COPS5: variants seen among roughly 807,000 people sequenced by gnomAD.
COPS5 encodes COP9 signalosome subunit 5.
In COPS5, 8 loss-of-function variants were observed where a neutral mutation model predicts 44.4. That is an observed-to-expected ratio of 0.18 (90% CI 0.11 to 0.32). The LOEUF (loss-of-function observed/expected upper bound fraction) is 0.32, where lower values mean the gene tolerates loss of function less well. COPS5 is among the 10% of genes least tolerant of loss of function. COPS5 has a pLI of 1.00. For synonymous variants in COPS5, 122 were observed against 142.8 expected, an observed-to-expected ratio of 0.85 and a Z score of 1.04; for missense variants, 159 against 406.4, an observed-to-expected ratio of 0.39 and a Z score of 5.23.
intron 6 of COPS5, among the ~76,000 whole-genome samples, chr8:67,049,630 C>A (rs1391076823): frequency 6.6e-6 from 1 of 152,168 alleles, no homozygotes; most frequent in East Asian, 1.9e-4. Flanking sequence ...CTTGAAAGCT[C>A]AATCCAACAA....
intron 5 of COPS5, among the ~76,000 whole-genome samples, chr8:67,052,550 TG>T (rs1804432368): frequency 6.6e-6 from 1 of 151,088 alleles, no homozygotes. Flanking sequence ...CCCGAGTAGC[TG>T]GGACTACAGG....
chr8:67,059,690 T>G (rs1362900599), intron 1 of COPS5: 1 of 453,106 alleles, frequency 2.2e-6, no homozygotes, highest in Admixed American at 3.5e-5. Flanking sequence ...AATATGCTAT[T>G]CAAATAAGGG....
chr8:67,060,575 T>G (rs1804576610), intron 1 of COPS5: 1 of 1,125,142 alleles, frequency 8.9e-7, no homozygotes. Flanking sequence ...CAAGTTACTG[T>G]GCTCCTATTA....
chr8:67,059,535 G>A, intron 1 of COPS5, 90 bp from the exon 2 acceptor site: 2 of 914,144 alleles, frequency 2.2e-6, no homozygotes, highest in South Asian at 1.5e-5. Context: ...AAGTATTGAA[G>A]GAATTTAGAG....
In COPS5 at chr8:67,062,092, G is replaced by T; in HGVS notation, c.-96C>A. On this transcript the variant is annotated 5_prime_UTR_variant, in exon 1 of 8. Coordinates refer to ENST00000357849, the MANE Select transcript of COPS5 (RefSeq NM_006837.3). Reference sequence around the variant, plus strand: ...TGGGCCTTGACCCTCCGCACCACGGGAACAAACTCTTACCTAGACTCTTGG... The same window carrying T: ...TGGGCCTTGACCCTCCGCACCACGGTAACAAACTCTTACCTAGACTCTTGG... The T allele has an allele frequency of 6.3e-7, 1 of 1,586,522 alleles. No homozygotes were observed. Among genetic ancestry groups the T allele is most frequent in the Non-Finnish European group, 8.6e-7 (1 of 1,169,100 alleles).
At chr8:67,057,349 G>T (rs185271502) in intron 4 of COPS5, 31 bp downstream of exon 4, 10 of 1,459,990 alleles carry the variant, frequency 6.8e-6, no homozygotes, top group Non-Finnish European at 7.6e-6. Flanking sequence ...AACACAGTGA[G>T]ACTCTAACTC....
At chr8:67,051,027 T>A in intron 6 of COPS5, 1 of 526,938 alleles carries the variant, frequency 1.9e-6, no homozygotes, top group Non-Finnish European at 3.4e-6. Context: ...GTTTGCTACT[T>A]AGACTTGGTC....
chr8:67,053,455 C>G (rs1165597932), intron 5 of COPS5, among the ~76,000 whole-genome samples: 1 of 151,476 alleles, frequency 6.6e-6, no homozygotes, highest in Non-Finnish European at 1.5e-5. Flanking sequence ...AATCCCAGCA[C>G]TTTGGGAGGC....
At chr8:67,057,948 A>G in intron 3 of COPS5, 135 bp downstream of exon 3, 4 of 879,052 alleles carry the variant, frequency 4.6e-6, no homozygotes, top group Non-Finnish European at 7.1e-6. Context: ...CTTCTAAGAG[A>G]TGGAATTCAC....
intron 7 of COPS5, 58 bp from the exon 8 acceptor site, chr8:67,043,375 C>G (rs925227191): frequency 9.5e-7 from 1 of 1,053,762 alleles, no homozygotes. Context: ...TTCAAACACA[C>G]AAGATCAGCC....
intron 5 of COPS5, among the ~76,000 whole-genome samples, chr8:67,054,707 C>G (rs765855442): frequency 1.3e-5 from 2 of 152,214 alleles, no homozygotes; most frequent in Non-Finnish European, 2.9e-5. Context: ...AGTAGTAGCA[C>G]ATGGGTAGCC....
At chr8:67,048,206 C>CT (rs1161805035) in intron 6 of COPS5, among the ~76,000 whole-genome samples, 4 of 151,594 alleles carry the variant, frequency 2.6e-5, no homozygotes, top group Non-Finnish European at 5.9e-5. Flanking sequence ...GAGGTCCAGG[C>CT]TATAGTGAGA....
chr8:67,043,546 T>G (rs1042887691), intron 7 of COPS5: 3 of 351,384 alleles, frequency 8.5e-6, no homozygotes, highest in African/African-American at 6.3e-5. Flanking sequence ...ACGTAAAATT[T>G]GATACAATTG....
chr8:67,061,651 C>T (rs559023719), intron 1 of COPS5: 1 of 587,594 alleles, frequency 1.7e-6, no homozygotes, highest in African/African-American at 1.9e-5. Flanking sequence ...TTACATCACC[C>T]GGGGGCAAAT....
Position 67,062,006 on chromosome 8 carries a change from A to G in COPS5, c.-10T>C. ...TCCCGGACGCCGCCATCGCCGAGGA[A>G]GCGGAGAAGTTGTCGTCTCTACAAC... is the stretch of plus-strand genomic sequence containing the variant. On this transcript the variant is annotated 5_prime_UTR_variant, in exon 1 of 8. Coordinates refer to ENST00000357849, the MANE Select transcript of COPS5 (RefSeq NM_006837.3). 6.2e-7 allele frequency: 1 copy of G among 1,614,184 alleles called. No individual in the cohort carries two copies. The highest frequency in any genetic ancestry group is 1.3e-5 in the African/African-American group (1 of 75,064).
chr8:67,046,799 G>A (rs986405879), intron 6 of COPS5, among the ~76,000 whole-genome samples: 4 of 138,134 alleles, frequency 2.9e-5, no homozygotes, highest in Non-Finnish European at 4.6e-5. Context: ...CTCCAGCCTG[G>A]GCAACAAGAG....
intron 7 of COPS5, 30 bp downstream of exon 7, chr8:67,045,782 G>A (rs1425891629): frequency 3.7e-6 from 6 of 1,611,372 alleles, no homozygotes; most frequent in Non-Finnish European, 5.1e-6. Flanking sequence ...AGAGTTAGGG[G>A]CAACAGGAAT....
At chr8:67,059,485 A>T (rs1804555729) in intron 1 of COPS5, 40 bp from the exon 2 acceptor site, 1 of 1,480,222 alleles carries the variant, frequency 6.8e-7, no homozygotes, top group Non-Finnish European at 9.4e-7. Flanking sequence ...TTCCTTATAT[A>T]AAGTAAAATT....
At chr8:67,045,723 G>A in intron 7 of COPS5, 89 bp downstream of exon 7, 1 of 1,271,976 alleles carries the variant, frequency 7.9e-7, no homozygotes, top group Non-Finnish European at 1.1e-6. Context: ...ACTAACTTGA[G>A]CCATAAGGAA....
Sources: gnomAD v4.1 joint callset for allele counts (sites outside exome capture counted in the v4.1 genomes callset) on GRCh38, gnomAD v4.1.1 for gene constraint, MANE v1.5 for transcripts, NCBI Gene and HGNC (gene_info 2026-07-23, HGNC 2026-07-21) for gene names.